The following PTGFR variants were observed in gnomAD, a reference collection of about 807,000 sequenced individuals.
The protein encoded by PTGFR is prostaglandin F receptor.
PTGFR carries 15 observed loss-of-function variants against 26.2 expected under a neutral mutation model. That is an observed-to-expected ratio of 0.57 (90% CI 0.38 to 0.88). The LOEUF (loss-of-function observed/expected upper bound fraction) is 0.88, where lower values mean the gene tolerates loss of function less well. PTGFR is among the 40% of genes least tolerant of loss of function. The probability of loss-of-function intolerance (pLI) is 0.00; values close to 1 mark genes in which losing one functional copy is unlikely to be tolerated. For missense variants in PTGFR, 369 were observed against 427.2 expected (o/e 0.86, Z 1.20); for synonymous variants, 165 against 151.1 (o/e 1.09, Z -0.68).
chr1:78,512,147 A>T (rs1371224669), intron 2 of PTGFR, among the ~76,000 whole-genome samples: 2 of 152,020 alleles, frequency 1.3e-5, no homozygotes, highest in Non-Finnish European at 2.9e-5. Context: ...ACTTTCCCTC[A>T]TCTTCCTGTG....
chr1:78,517,884 A>G (rs1321047202), intron 2 of PTGFR, among the ~76,000 whole-genome samples: 1 of 152,176 alleles, frequency 6.6e-6, no homozygotes, highest in African/African-American at 2.4e-5. Flanking sequence ...TTATTTCGGA[A>G]ATTTTTTTTG....
intron 2 of PTGFR, among the ~76,000 whole-genome samples, chr1:78,495,625 T>C (rs1271896199): frequency 1.3e-5 from 2 of 152,218 alleles, no homozygotes; most frequent in Non-Finnish European, 2.9e-5. Flanking sequence ...AGGTAATCAC[T>C]TGTATTTTGT....
intron 2 of PTGFR, among the ~76,000 whole-genome samples, chr1:78,510,807 G>A (rs899349294): frequency 6.6e-5 from 10 of 152,060 alleles, no homozygotes; most frequent in African/African-American, 2.4e-4. Flanking sequence ...ATGAGCCTGT[G>A]ACAGCAAAGA....
In PTGFR at chr1:78,494,830, T is replaced by G. The variant is rs1433859383; in HGVS notation, c.798+1289T>G. On this transcript the variant is annotated intron_variant, in intron 2 of 2. Coordinates refer to ENST00000370757, the MANE Select transcript of PTGFR (RefSeq NM_000959.4). Reference sequence around the variant, plus strand: ...CATGTTGGCCAGGCTAGTCTCAAACTCCTGACCTCGTAATCCTTCCGCCTC... The same window carrying G: ...CATGTTGGCCAGGCTAGTCTCAAACGCCTGACCTCGTAATCCTTCCGCCTC... Among the ~76,000 whole-genome samples the G allele has an allele frequency of 2.0e-5, 3 of 152,242 alleles. 1 individual carries two copies. Among genetic ancestry groups the G allele is most frequent in the Admixed American group, 2.0e-4 (3 of 15,302 alleles).
At chr1:78,522,757 G>A (rs1023826842) in intron 2 of PTGFR, among the ~76,000 whole-genome samples, 3 of 151,954 alleles carry the variant, frequency 2.0e-5, no homozygotes, top group African/African-American at 7.3e-5. Flanking sequence ...TCCCTTGGAC[G>A]CCCCTGCAAA....
At position 78,494,573 on chromosome 1, in the gene PTGFR, G is replaced by A. The variant is rs578073279; in HGVS notation, c.798+1032G>A. On this transcript the variant is annotated intron_variant, in intron 2 of 2. Coordinates refer to ENST00000370757, the MANE Select transcript of PTGFR (RefSeq NM_000959.4). Reference sequence around the variant, plus strand: ...TTCCTAGGCTCCAAACAGGCTCATTGCCCAAGAATTGTTGCTAGTGCAGGT... The same window carrying A: ...TTCCTAGGCTCCAAACAGGCTCATTACCCAAGAATTGTTGCTAGTGCAGGT... 5.3e-5 allele frequency among the ~76,000 whole-genome samples: 8 copies of A among 152,262 alleles called. No individual in the cohort carries two copies. In the South Asian group the frequency reaches 1.2e-3, roughly 24 times the overall value.
In PTGFR at chr1:78,538,822, T is replaced by C. The variant is rs903642121; in HGVS notation, c.*2135T>C. 6.6e-6 allele frequency: 1 copy of C among 152,076 alleles called. No individual in the cohort carries two copies. The highest frequency in any genetic ancestry group is 1.5e-5 in the Non-Finnish European group (1 of 67,984). 9.4% of individuals were successfully genotyped at this position (152,076 alleles called of 1,614,324 possible). A position where few individuals can be genotyped will look rare whatever the true frequency, so the allele number is the denominator to read the frequency against. The stretch of plus-strand genomic sequence containing the variant: ...GTTTCAATAAATTTACCAATTTGAG[T>C]GTTTTCAGCTCTATTTCAAAACTCA... On this transcript the variant is annotated 3_prime_UTR_variant, in exon 3 of 3. Transcript: ENST00000370757.
At chr1:78,530,092 C>A (rs1650467571) in intron 2 of PTGFR, among the ~76,000 whole-genome samples, 2 of 149,822 alleles carry the variant, frequency 1.3e-5, no homozygotes. Context: ...GAAAATCATG[C>A]CATTCATCAT....
intron 2 of PTGFR, among the ~76,000 whole-genome samples, chr1:78,519,142 G>A (rs1650165898): frequency 6.6e-6 from 1 of 152,040 alleles, no homozygotes; most frequent in Non-Finnish European, 1.5e-5. Flanking sequence ...CTTCATCAGT[G>A]GCTACTCCAC....
At chr1:78,496,378 C>T (rs776342653) in intron 2 of PTGFR, among the ~76,000 whole-genome samples, 168 of 152,224 alleles carry the variant, frequency 1.1e-3, no homozygotes, top group Non-Finnish European at 2.0e-3. Flanking sequence ...CCCCTGAAAC[C>T]AAGCTTTTAG....
chr1:78,493,604 C>T (rs1649471831), intron 2 of PTGFR, 63 bp downstream of exon 2: 1 of 1,434,384 alleles, frequency 7.0e-7, no homozygotes, highest in African/African-American at 1.4e-5. Context: ...TCAAGGTTAT[C>T]TGGAAGTTCA....
At chr1:78,518,073 C>T (rs558967774) in intron 2 of PTGFR, among the ~76,000 whole-genome samples, 1 of 152,034 alleles carries the variant, frequency 6.6e-6, no homozygotes, top group Admixed American at 6.6e-5. Context: ...CACATGTACA[C>T]CTATGTAACA....
intron 2 of PTGFR, among the ~76,000 whole-genome samples, chr1:78,532,721 C>T (rs916468651): frequency 1.1e-4 from 16 of 151,566 alleles, no homozygotes; most frequent in Non-Finnish European, 1.9e-4. Context: ...GCATGTGTCA[C>T]CATGCCTGGC....
chr1:78,494,864 A>G (rs1211841188), intron 2 of PTGFR, among the ~76,000 whole-genome samples: 2 of 152,124 alleles, frequency 1.3e-5, no homozygotes, highest in African/African-American at 4.8e-5. Flanking sequence ...TCGGCCTCCC[A>G]AAGTGCTGGG....
At chr1:78,520,346 C>T (rs149951797) in intron 2 of PTGFR, among the ~76,000 whole-genome samples, 10 of 151,984 alleles carry the variant, frequency 6.6e-5, no homozygotes, top group East Asian at 3.9e-4. Context: ...GTTTTATTTG[C>T]GAAACCTCTT....
chr1:78,491,413 T>C (rs1649392868), intron 1 of PTGFR, among the ~76,000 whole-genome samples, 177 bp downstream of exon 1: 1 of 152,210 alleles, frequency 6.6e-6, no homozygotes, highest in South Asian at 2.1e-4. Flanking sequence ...GTACTCGAGC[T>C]AACCCATCCC....
At chr1:78,508,715 A>C (rs1649884824) in intron 2 of PTGFR, among the ~76,000 whole-genome samples, 1 of 152,240 alleles carries the variant, frequency 6.6e-6, no homozygotes. Flanking sequence ...GTAAGAATGC[A>C]AAATGTAAAG....
intron 2 of PTGFR, among the ~76,000 whole-genome samples, chr1:78,521,649 C>A (rs1441355695): frequency 1.3e-5 from 2 of 152,130 alleles, no homozygotes; most frequent in Middle Eastern, 3.4e-3. Context: ...TTTTAGGTAA[C>A]AAAAGTTTAT....
intron 2 of PTGFR, among the ~76,000 whole-genome samples, chr1:78,516,846 C>T (rs1449986352): frequency 2.6e-5 from 4 of 151,818 alleles, no homozygotes; most frequent in African/African-American, 9.7e-5. Flanking sequence ...CTGAGTGTTG[C>T]GAGGAACCAG....
Sources: allele counts gnomAD v4.1 joint callset (sites outside exome capture counted in the v4.1 genomes callset), GRCh38; gene constraint gnomAD v4.1.1; transcripts MANE v1.5; gene names NCBI Gene and HGNC (gene_info 2026-07-23, HGNC 2026-07-21).